Variants in TMEM260 observed in about 807,000 individuals in gnomAD.
The protein encoded by TMEM260 is protein O-mannosyl-transferase TMEM260.
TMEM260 carries 82 observed loss-of-function variants against 88.9 expected under a neutral mutation model. The ratio of observed to expected loss-of-function variants is 0.92; its 90% CI spans 0.77 to 1.11. The LOEUF is 1.11. TMEM260 is among the 50% of genes least tolerant of loss of function. TMEM260 has a pLI of 0.00. For synonymous variants in TMEM260, 314 were observed against 309.3 expected (o/e 1.02, Z -0.16); for missense variants, 902 against 853.4 (o/e 1.06, Z -0.71).
downstream of TMEM260, chr14:56,649,997 G>A: frequency 2.4e-6 from 1 of 411,078 alleles, no homozygotes; most frequent in Non-Finnish European, 4.8e-6. Flanking sequence ...AACTACTTTG[G>A]AGAATCCTTT....
intron 3 of TMEM260, among the ~76,000 whole-genome samples, chr14:56,600,720 T>C (rs1886522504): frequency 6.6e-6 from 1 of 152,172 alleles, no homozygotes; most frequent in South Asian, 2.1e-4. Context: ...TCTCATACAC[T>C]GCTGTTGGGA....
chr14:56,643,664 G>A lies in TMEM260; in HGVS notation c.1870-3579G>A, dbSNP rs1192951548. Among the ~76,000 whole-genome samples, 21 of 152,236 alleles carry A rather than the reference G, an allele frequency of 1.4e-4. No individual in the cohort carries two copies. In the Middle Eastern group the frequency reaches 0.01, roughly 74 times the overall value. ...AGTGTTGGAAGTTCTGGCCAGGGCA[G>A]TCAGGCAGGAGAAGGAAATAAAGGG... On this transcript the variant is annotated intron_variant, in intron 15 of 15. Transcript: ENST00000261556.
chr14:56,651,512 G>A (rs1482513493), downstream of TMEM260, among the ~76,000 whole-genome samples: 1 of 152,202 alleles, frequency 6.6e-6, no homozygotes, highest in Non-Finnish European at 1.5e-5. Context: ...TGAAAGTGGA[G>A]TTCTCTGACT....
intron 6 of TMEM260, among the ~76,000 whole-genome samples, chr14:56,611,895 T>C (rs1217219427): frequency 6.6e-6 from 1 of 152,114 alleles, no homozygotes; most frequent in African/African-American, 2.4e-5. Flanking sequence ...AGCGAACTAA[T>C]GCAGGAGCAG....
At chr14:56,654,391 C>G (rs756013050), downstream of TMEM260, among the ~76,000 whole-genome samples, 49 of 152,298 alleles carry the variant, frequency 3.2e-4, no homozygotes, top group Non-Finnish European at 3.4e-4. Flanking sequence ...CATCAAAACA[C>G]AATCATATTT....
chr14:56,587,402 C>T (rs1453303155), intron 3 of TMEM260, among the ~76,000 whole-genome samples: 1 of 151,886 alleles, frequency 6.6e-6, no homozygotes, highest in Non-Finnish European at 1.5e-5. Flanking sequence ...ATGAGAACTA[C>T]TGTAAGAATC....
intron 12 of TMEM260, among the ~76,000 whole-genome samples, chr14:56,631,479 C>T (rs892990914): frequency 7.2e-5 from 11 of 152,060 alleles, no homozygotes; most frequent in Non-Finnish European, 1.3e-4. Flanking sequence ...AAAATTTAGC[C>T]AGGCATGGTG....
At chr14:56,652,808 G>T (rs1594912633), downstream of TMEM260, among the ~76,000 whole-genome samples, 1 of 151,792 alleles carries the variant, frequency 6.6e-6, no homozygotes, top group Non-Finnish European at 1.5e-5. Flanking sequence ...TATGTGGCTT[G>T]TATCTACACA....
chr14:56,656,161 A>C, the TMEM260 span, among the ~76,000 whole-genome samples: 1 of 152,194 alleles, frequency 6.6e-6, no homozygotes, highest in Admixed American at 6.5e-5. Flanking sequence ...TCACACCTGT[A>C]ATCTCACCAC....
chr14:56,638,913 A>C (rs1414180753), intron 15 of TMEM260, among the ~76,000 whole-genome samples: 1 of 152,216 alleles, frequency 6.6e-6, no homozygotes, highest in Non-Finnish European at 1.5e-5. Flanking sequence ...AGAGGAGGAA[A>C]TATAATTCCA....
At chr14:56,625,317 G>A (rs1888177941) in intron 11 of TMEM260, 65 bp from the exon 12 acceptor site, 1 of 1,548,980 alleles carries the variant, frequency 6.5e-7, no homozygotes, top group Non-Finnish European at 8.8e-7. Context: ...GCCATTACTT[G>A]ATAAACTTGA....
intron 15 of TMEM260, among the ~76,000 whole-genome samples, chr14:56,640,066 G>A (rs920100620): frequency 5.3e-5 from 8 of 152,202 alleles, no homozygotes; most frequent in Non-Finnish European, 8.8e-5. Flanking sequence ...TCCACCTGTT[G>A]GGGCAGGGCA....
At chr14:56,596,948 T>G (rs1886285677) in intron 3 of TMEM260, among the ~76,000 whole-genome samples, 1 of 151,948 alleles carries the variant, frequency 6.6e-6, no homozygotes, top group African/African-American at 2.4e-5. Flanking sequence ...TAGGTTACAG[T>G]TAAAAATTTA....
chr14:56,606,016 C>T (rs970318618), intron 5 of TMEM260, among the ~76,000 whole-genome samples: 1 of 152,160 alleles, frequency 6.6e-6, no homozygotes, highest in African/African-American at 2.4e-5. Context: ...TGCCATCATA[C>T]TTCATTTATT....
At chr14:56,588,197 T>G (rs1281103872) in intron 3 of TMEM260, among the ~76,000 whole-genome samples, 2 of 152,080 alleles carry the variant, frequency 1.3e-5, no homozygotes, top group East Asian at 3.8e-4. Flanking sequence ...TTTTATTCTT[T>G]CTTTCCCCCA....
the TMEM260 span, among the ~76,000 whole-genome samples, chr14:56,663,083 C>G: frequency 0.025 from 3,736 of 152,152 alleles, 153 homozygotes; most frequent in African/African-American, 0.085. This position sits in a 1 kb window ranked among gnomAD's most constrained non-coding sequence, Gnocchi z 4.1. Flanking sequence ...GAGCCAAGAT[C>G]GCGCTGTTGC....
At chr14:56,579,783 A>C, upstream of TMEM260, 1 of 863,886 alleles carries the variant, frequency 1.2e-6, no homozygotes, top group Non-Finnish European at 1.5e-6. Context: ...GGTGCGGTCC[A>C]ACCCGCGGAG....
In TMEM260 at chr14:56,635,002, G is replaced by A. The variant is rs201399333; in HGVS notation, c.1778+50G>A. 2.9e-4 allele frequency: 440 copies of A among 1,535,490 alleles called. 1 individual carries two copies. Among genetic ancestry groups the A allele is most frequent in the Middle Eastern group, 2.0e-3 (12 of 5,890 alleles). ...TGCAGTCTATTTTTAATATGGCAGG[G>A]AAGTAGCTTATGGCACTTTTAATTT... On this transcript the variant is annotated intron_variant, in intron 14 of 15. Coordinates refer to ENST00000261556, the MANE Select transcript of TMEM260 (RefSeq NM_017799.4).
At chr14:56,606,876 CAG>C (rs1415426158) in intron 5 of TMEM260, among the ~76,000 whole-genome samples, 1 of 152,086 alleles carries the variant, frequency 6.6e-6, no homozygotes, top group Non-Finnish European at 1.5e-5. Flanking sequence ...GCCTGGGTGA[CAG>C]AGAAAGACTC....
Sources: gnomAD v4.1 joint callset for allele counts (sites outside exome capture counted in the v4.1 genomes callset) on GRCh38, gnomAD v4.1.1 for gene constraint, Gnocchi (gnomAD v3.1) non-coding constraint, MANE v1.5 for transcripts, NCBI Gene and HGNC (gene_info 2026-07-23, HGNC 2026-07-21) for gene names.